Variants in FAM20A observed in about 807,000 individuals in gnomAD.
FAM20A encodes the protein pseudokinase FAM20A.
FAM20A carries 42 observed loss-of-function variants against 52.0 expected under a neutral mutation model. That is an observed-to-expected ratio of 0.81 (90% CI 0.63 to 1.04). The LOEUF is 1.04. Ranked by LOEUF, FAM20A falls within the 50% of genes least tolerant of loss-of-function variation. FAM20A has a pLI of 0.00. For synonymous variants in FAM20A, 304 were observed against 298.9 expected (o/e 1.02, Z -0.18); for missense variants, 742 against 712.7 (o/e 1.04, Z -0.47).
chr17:68,581,004 CT>C (rs2087928947), intron 1 of FAM20A, among the ~76,000 whole-genome samples: 1 of 152,110 alleles, frequency 6.6e-6, no homozygotes, highest in East Asian at 1.9e-4. Flanking sequence ...ATTTTTCCCC[CT>C]GATTAGGAAG....
intron 1 of FAM20A, among the ~76,000 whole-genome samples, chr17:68,575,689 TTATATTATATATATTA>T (rs1283973062): frequency 1.6e-5 from 2 of 125,296 alleles, no homozygotes; most frequent in African/African-American, 6.1e-5. Flanking sequence ...TTTTTATATT[TTATATTATATATATTA>T]TATATTATAT....
At position 68,539,951 on chromosome 17, in the gene FAM20A, T is replaced by G. The variant is rs778211377; in HGVS notation, c.1235A>C (p.His412Pro). 1.1e-5 allele frequency: 18 copies of G among 1,614,132 alleles called. No homozygotes were observed. The highest frequency in any genetic ancestry group is 3.3e-5 in the Admixed American group (2 of 60,006). Residue 412 changes from histidine to proline, a missense_variant, in exon 9 of 11, where the codon CAC becomes CCC. His to Pro is a moderately conservative substitution (Grantham distance 77). Coordinates refer to ENST00000592554, the MANE Select transcript of FAM20A (RefSeq NM_017565.4). ...GAACTTGGTGAACATCTCATAATGGTGCCGGTCCATATTCCCTGTGAAGGA... is the reference window on the plus strand; with the variant it reads ...GAACTTGGTGAACATCTCATAATGGGGCCGGTCCATATTCCCTGTGAAGGA... ...FDFLIGNMDR[H>P]HYEMFTKFGD...
At chr17:68,564,815 AGGGTGCCAATCTGCACCCTGT>A (rs1159129262) in intron 1 of FAM20A, among the ~76,000 whole-genome samples, 3 of 151,980 alleles carry the variant, frequency 2.0e-5, no homozygotes, top group African/African-American at 7.3e-5. Context: ...GGGCGTGAGG[AGGGTGCCAATCTGCACCCTGT>A]TTTCTTCTGG....
At chr17:68,561,569 G>A (rs2087213348) in intron 1 of FAM20A, among the ~76,000 whole-genome samples, 1 of 148,926 alleles carries the variant, frequency 6.7e-6, no homozygotes, top group Non-Finnish European at 1.5e-5. Flanking sequence ...AACAGCTGGT[G>A]GGGCTAGTCT....
intron 1 of FAM20A, among the ~76,000 whole-genome samples, chr17:68,571,223 C>T (rs1452875794): frequency 2.6e-5 from 4 of 152,212 alleles, no homozygotes; most frequent in East Asian, 1.9e-4. Flanking sequence ...AGAGCTGGAG[C>T]CATGTGCTTT....
chr17:68,551,757 T>A, intron 4 of FAM20A, 116 bp downstream of exon 4: 1 of 674,414 alleles, frequency 1.5e-6, no homozygotes, highest in South Asian at 1.5e-5. Flanking sequence ...TTGGGCAGAT[T>A]AGAGAATCTC....
chr17:68,541,832 C>G (rs2086310373), intron 7 of FAM20A, 153 bp downstream of exon 7: 2 of 898,820 alleles, frequency 2.2e-6, no homozygotes. Flanking sequence ...GAGAACAGAC[C>G]CAGGCCTGCT....
At chr17:68,540,560 A>G (rs1338547278) in intron 8 of FAM20A, 3 of 529,706 alleles carry the variant, frequency 5.7e-6, no homozygotes, top group Non-Finnish European at 7.3e-6. Flanking sequence ...GTTTCCCCTC[A>G]CTTGGTGAAG....
At position 68,581,236 on chromosome 17, in the gene FAM20A, G is replaced by A. The variant is rs1023630922; in HGVS notation, c.404+19027C>T. Among the ~76,000 whole-genome samples the A allele has an allele frequency of 2.0e-5, 3 of 152,130 alleles. No homozygotes were observed. The South Asian group carries it at 6.2e-4, about 32-fold the overall frequency. ...ACAGCATGGCTCACTAAGCCTCCTGGACACAAATCTCTTCTCAAATTGGTT... is the reference window on the plus strand; with the variant it reads ...ACAGCATGGCTCACTAAGCCTCCTGAACACAAATCTCTTCTCAAATTGGTT... On this transcript the variant is annotated intron_variant, in intron 1 of 10. Transcript: ENST00000592554.
rs1774744273 is a variant in FAM20A at position 68,583,858 on chromosome 17, C to T, written c.404+16405G>A. Among the ~76,000 whole-genome samples the T allele has an allele frequency of 1.3e-5, 2 of 151,748 alleles. 1 individual carries two copies. The highest frequency in any genetic ancestry group is 4.2e-4 in the South Asian group (2 of 4,800). On this transcript the variant is annotated intron_variant, in intron 1 of 10. Coordinates refer to ENST00000592554, the MANE Select transcript of FAM20A (RefSeq NM_017565.4). ...TGGAGATCGTGCCACCGCACACCAG[C>T]CTGGGTGACAGAGTGAGACTCCATC... is the stretch of plus-strand genomic sequence containing the variant.
intron 4 of FAM20A, among the ~76,000 whole-genome samples, chr17:68,548,034 C>T (rs1486471347): frequency 1.3e-5 from 2 of 150,964 alleles, no homozygotes; most frequent in Non-Finnish European, 3.0e-5. Context: ...ATTGTTGTGT[C>T]TTAGGGAATA....
chr17:68,563,968 A>G (rs2143760797), intron 1 of FAM20A, among the ~76,000 whole-genome samples: 1 of 152,326 alleles, frequency 6.6e-6, no homozygotes, highest in South Asian at 2.1e-4. Context: ...CCCCTGCTGT[A>G]ATGAAGTGAG....
At chr17:68,581,443 TTTTTC>T (rs2087983503) in intron 1 of FAM20A, among the ~76,000 whole-genome samples, 1 of 127,010 alleles carries the variant, frequency 7.9e-6, no homozygotes, top group Non-Finnish European at 1.6e-5. Context: ...TTCTTTTCTT[TTTTTC>T]TTTTCTTTCT....
chr17:68,558,020 C>A (rs1474370349), intron 1 of FAM20A, among the ~76,000 whole-genome samples: 1 of 152,068 alleles, frequency 6.6e-6, no homozygotes, highest in Non-Finnish European at 1.5e-5. Flanking sequence ...CGCATGAGCC[C>A]TTGAAAGTAA....
At chr17:68,590,801 TCC>T (rs2088282997) in intron 1 of FAM20A, among the ~76,000 whole-genome samples, 1 of 152,110 alleles carries the variant, frequency 6.6e-6, no homozygotes, top group Admixed American at 6.5e-5. Flanking sequence ...GAACTGCTCT[TCC>T]CCACTCTGAG....
At chr17:68,559,037 C>T (rs11655231) in intron 1 of FAM20A, among the ~76,000 whole-genome samples, 4,418 of 152,284 alleles carry the variant, frequency 0.029, 87 homozygotes, top group Middle Eastern at 0.048. Flanking sequence ...GAATTACAGG[C>T]GTGAGCCACC....
At position 68,600,214 on chromosome 17, in the gene FAM20A, G is replaced by C. The variant is rs1273730448; in HGVS notation, c.404+49C>G. The C allele has an allele frequency of 1.3e-6, 2 of 1,540,884 alleles. No individual in the cohort carries two copies. Among genetic ancestry groups the C allele is most frequent in the African/African-American group, 2.8e-5 (2 of 72,704 alleles). Reference sequence around the variant, plus strand: ...GAAACTCGAGACTGGGGCGCGGGGAGGCCCCGGCCAGAGCGCCCGCTCTCC... The same window carrying C: ...GAAACTCGAGACTGGGGCGCGGGGACGCCCCGGCCAGAGCGCCCGCTCTCC... On this transcript the variant is annotated intron_variant, in intron 1 of 10. Transcript: ENST00000592554. This position sits in a 1 kb window ranked among gnomAD's most constrained non-coding sequence, Gnocchi z 6.2.
At chr17:68,587,330 A>G (rs914984027) in intron 1 of FAM20A, among the ~76,000 whole-genome samples, 1 of 152,216 alleles carries the variant, frequency 6.6e-6, no homozygotes, top group African/African-American at 2.4e-5. Flanking sequence ...TTGATGATAT[A>G]TCTAATTTTC....
intron 9 of FAM20A, 116 bp from the exon 10 acceptor site, chr17:68,539,512 T>TC: frequency 1.1e-5 from 10 of 894,894 alleles, no homozygotes; most frequent in Non-Finnish European, 1.8e-5. Flanking sequence ...ATGCCAGGGA[T>TC]CATGGCAGCT....
Sources: allele counts gnomAD v4.1 joint callset (sites outside exome capture counted in the v4.1 genomes callset), GRCh38; gene constraint gnomAD v4.1.1; non-coding constraint Gnocchi (gnomAD v3.1); transcripts MANE v1.5; gene names NCBI Gene and HGNC (gene_info 2026-07-23, HGNC 2026-07-21).